The following ZNF385B variants were observed in gnomAD, a reference collection of about 807,000 sequenced individuals.
ZNF385B encodes the protein zinc finger protein 385B.
Under a neutral mutation model 39.2 loss-of-function variants are expected in ZNF385B, and 23 were observed. The ratio of observed to expected loss-of-function variants is 0.59; its 90% CI spans 0.42 to 0.83. The LOEUF (loss-of-function observed/expected upper bound fraction) is 0.83. ZNF385B is among the 40% of genes least tolerant of loss of function. The pLI, the probability that ZNF385B is intolerant of heterozygous loss-of-function variation, is 0.00. For synonymous variants in ZNF385B, 205 were observed against 222.6 expected, an observed-to-expected ratio of 0.92 and a Z score of 0.70; for missense variants, 552 against 598.9, an observed-to-expected ratio of 0.92 and a Z score of 0.82.
At chr2:179,706,102 G>T (rs1699575626) in intron 3 of ZNF385B, among the ~76,000 whole-genome samples, 1 of 152,148 alleles carries the variant, frequency 6.6e-6, no homozygotes, top group Non-Finnish European at 1.5e-5. Context: ...GAGAAATCTG[G>T]AAGTGGCCAA....
intron 1 of ZNF385B, among the ~76,000 whole-genome samples, chr2:179,828,201 C>A (rs1221455604): frequency 6.6e-6 from 1 of 151,970 alleles, no homozygotes; most frequent in Non-Finnish European, 1.5e-5. Context: ...GGTACATATG[C>A]CTATGGAATT....
chr2:179,647,981 A>AG (rs199817398), intron 3 of ZNF385B, among the ~76,000 whole-genome samples: 2,725 of 152,218 alleles, frequency 0.018, 36 homozygotes, highest in Non-Finnish European at 0.025. Context: ...GACTTAGAAA[A>AG]GGGGGGTCAG....
chr2:179,693,971 C>G (rs1357438327), intron 3 of ZNF385B, among the ~76,000 whole-genome samples: 1 of 152,134 alleles, frequency 6.6e-6, no homozygotes, highest in African/African-American at 2.4e-5. Context: ...AGAGCAATGT[C>G]ATCAAAAGTA....
At chr2:179,691,533 A>AG (rs1214822527) in intron 3 of ZNF385B, among the ~76,000 whole-genome samples, 1 of 152,228 alleles carries the variant, frequency 6.6e-6, no homozygotes, top group Admixed American at 6.5e-5. Flanking sequence ...AAAAACACAC[A>AG]GAACCTCACA....
At chr2:179,714,738 G>A (rs1700210219) in intron 3 of ZNF385B, among the ~76,000 whole-genome samples, 1 of 151,718 alleles carries the variant, frequency 6.6e-6, no homozygotes, top group Non-Finnish European at 1.5e-5. Flanking sequence ...CTGAGGTCAG[G>A]AATTCCAGAC....
intron 1 of ZNF385B, among the ~76,000 whole-genome samples, chr2:179,792,384 T>TA (rs949883356): frequency 6.8e-6 from 1 of 146,332 alleles, no homozygotes; most frequent in African/African-American, 2.5e-5. Flanking sequence ...TCTTTTTTTT[T>TA]TTTTTTTGAG....
At chr2:179,471,134 T>C (rs976142198) in intron 6 of ZNF385B, among the ~76,000 whole-genome samples, 2 of 152,186 alleles carry the variant, frequency 1.3e-5, no homozygotes, top group African/African-American at 4.8e-5. Context: ...AACGTTGTTA[T>C]ATGGAGATTT....
intron 1 of ZNF385B, among the ~76,000 whole-genome samples, chr2:179,805,614 A>T (rs1047865269): frequency 1.3e-5 from 2 of 152,200 alleles, no homozygotes; most frequent in Admixed American, 6.5e-5. Context: ...AAATTACCTA[A>T]CTTGCCTGTG....
intron 3 of ZNF385B, among the ~76,000 whole-genome samples, chr2:179,602,500 C>CTT (rs372064793): frequency 6.7e-6 from 1 of 149,070 alleles, no homozygotes; most frequent in African/African-American, 2.5e-5. Flanking sequence ...CACCCAGCTT[C>CTT]TTTTTTTTTT....
intron 3 of ZNF385B, among the ~76,000 whole-genome samples, chr2:179,662,557 G>C (rs188918716): frequency 1.3e-5 from 2 of 151,928 alleles, no homozygotes; most frequent in Non-Finnish European, 2.9e-5. Context: ...CTGAGCATCC[G>C]GCTCTTTCTC....
chr2:179,602,079 T>C (rs1218158090), intron 3 of ZNF385B, among the ~76,000 whole-genome samples: 1 of 152,170 alleles, frequency 6.6e-6, no homozygotes, highest in African/African-American at 2.4e-5. Context: ...TGTAGTATAT[T>C]CTACAAGAAA....
intron 4 of ZNF385B, among the ~76,000 whole-genome samples, chr2:179,528,985 T>C (rs1382881997): frequency 6.6e-6 from 1 of 152,226 alleles, no homozygotes; most frequent in Non-Finnish European, 1.5e-5. Context: ...AATAAGACTT[T>C]CAGTTTATTT....
At chr2:179,505,729 T>G (rs1234420372) in intron 5 of ZNF385B, among the ~76,000 whole-genome samples, 1 of 152,106 alleles carries the variant, frequency 6.6e-6, no homozygotes, top group Non-Finnish European at 1.5e-5. Context: ...AGAATTCCTA[T>G]TAATCGAATA....
chr2:179,546,491 C>T (rs1269741762), intron 3 of ZNF385B, among the ~76,000 whole-genome samples: 1 of 152,188 alleles, frequency 6.6e-6, no homozygotes, highest in Non-Finnish European at 1.5e-5. Context: ...CTTTCTGTGC[C>T]TGGCTTATTT....
At chr2:179,754,621 T>C (rs939858415) in intron 3 of ZNF385B, among the ~76,000 whole-genome samples, 1 of 152,182 alleles carries the variant, frequency 6.6e-6, no homozygotes, top group East Asian at 1.9e-4. Context: ...CTGTTATTGG[T>C]CTCTTCAGAG....
At chr2:179,792,057 C>T (rs1468853489) in intron 1 of ZNF385B, among the ~76,000 whole-genome samples, 2 of 152,112 alleles carry the variant, frequency 1.3e-5, no homozygotes, top group East Asian at 1.9e-4. Context: ...CCACCGTGCC[C>T]GGCTTTACTT....
chr2:179,825,506 A>T (rs1707630922), intron 1 of ZNF385B, among the ~76,000 whole-genome samples: 2 of 152,212 alleles, frequency 1.3e-5, no homozygotes, highest in Non-Finnish European at 2.9e-5. Flanking sequence ...AAGAATAAAG[A>T]TTAACAAAAT....
chr2:179,482,927 G>C (rs1434472964), intron 6 of ZNF385B, among the ~76,000 whole-genome samples: 2 of 151,796 alleles, frequency 1.3e-5, no homozygotes, highest in Non-Finnish European at 2.9e-5. Flanking sequence ...AAAATAAATA[G>C]AAAGAAGTAA....
chr2:179,825,712 T>G (rs908002193), intron 1 of ZNF385B, among the ~76,000 whole-genome samples: 6 of 152,176 alleles, frequency 3.9e-5, no homozygotes, highest in African/African-American at 1.4e-4. Flanking sequence ...AGAATGGACC[T>G]TTCTGCCTCT....
Sources: gnomAD v4.1 joint callset for allele counts (sites outside exome capture counted in the v4.1 genomes callset) on GRCh38, gnomAD v4.1.1 for gene constraint, MANE v1.5 for transcripts, NCBI Gene and HGNC (gene_info 2026-07-23, HGNC 2026-07-21) for gene names.